Variants in SRD5A2 observed in about 807,000 individuals in gnomAD.
The protein encoded by SRD5A2 is 3-oxo-5-alpha-steroid 4-dehydrogenase 2.
A neutral mutation model predicts 27.4 loss-of-function variants in SRD5A2; 30 were observed. The ratio of observed to expected loss-of-function variants is 1.10; its 90% CI spans 0.82 to 1.49. The LOEUF (loss-of-function observed/expected upper bound fraction) is 1.49. Among genes scored for constraint, SRD5A2 ranks in the 40% most tolerant of loss-of-function variants. The pLI is 0.00. For missense variants in SRD5A2, 348 were observed against 323.4 expected, an observed-to-expected ratio of 1.08 and a Z score of -0.58; for synonymous variants, 141 against 133.6, an observed-to-expected ratio of 1.06 and a Z score of -0.38.
the SRD5A2 span, among the ~76,000 whole-genome samples, chr2:31,635,337 T>C: frequency 2.1e-4 from 32 of 152,190 alleles, no homozygotes; most frequent in Admixed American, 2.1e-3. Flanking sequence ...GTTGGCCATT[T>C]GTATATCTTC....
At chr2:31,554,652 G>C (rs1282269353) in intron 1 of SRD5A2, among the ~76,000 whole-genome samples, 1 of 152,200 alleles carries the variant, frequency 6.6e-6, no homozygotes, top group African/African-American at 2.4e-5. Flanking sequence ...TCCCTTCTAA[G>C]GTGGCGGATA....
intron 1 of SRD5A2, among the ~76,000 whole-genome samples, chr2:31,570,105 T>C (rs1454750649): frequency 6.6e-6 from 1 of 152,040 alleles, no homozygotes; most frequent in African/African-American, 2.4e-5. Context: ...ATATCCCTGA[T>C]GAACATCAGG....
At chr2:31,558,847 G>A (rs943280272) in intron 1 of SRD5A2, among the ~76,000 whole-genome samples, 1 of 152,198 alleles carries the variant, frequency 6.6e-6, no homozygotes, top group Non-Finnish European at 1.5e-5. Context: ...CTAGGTTTGT[G>A]TGAGTACACT....
the SRD5A2 span, among the ~76,000 whole-genome samples, chr2:31,654,175 A>G: frequency 1.3e-5 from 2 of 152,192 alleles, no homozygotes; most frequent in East Asian, 3.8e-4. Context: ...GAAATGGAAA[A>G]GTTATACCTG....
chr2:31,575,944 G>C (rs1220789161), intron 1 of SRD5A2, among the ~76,000 whole-genome samples: 1 of 152,212 alleles, frequency 6.6e-6, no homozygotes, highest in African/African-American at 2.4e-5. Context: ...CAATCAGAGA[G>C]TTTAGACAAG....
intron 1 of SRD5A2, among the ~76,000 whole-genome samples, chr2:31,536,833 G>C (rs990926072): frequency 6.6e-6 from 1 of 152,192 alleles, no homozygotes; most frequent in Non-Finnish European, 1.5e-5. Flanking sequence ...TATGGTCTGA[G>C]ACTCAGTTTC....
At chr2:31,551,968 A>C (rs764780154) in intron 1 of SRD5A2, among the ~76,000 whole-genome samples, 1 of 152,024 alleles carries the variant, frequency 6.6e-6, no homozygotes, top group Non-Finnish European at 1.5e-5. Context: ...GTCAGGAGAC[A>C]ATCCTCAGGA....
intron 1 of SRD5A2, among the ~76,000 whole-genome samples, chr2:31,574,968 T>G (rs1238026542): frequency 1.3e-5 from 2 of 152,228 alleles, no homozygotes; most frequent in Non-Finnish European, 2.9e-5. Context: ...GTTGCTGCAA[T>G]AGAGATCATG....
upstream of SRD5A2, among the ~76,000 whole-genome samples, chr2:31,582,363 G>A (rs28382989): frequency 0.01 from 1,556 of 152,282 alleles, 21 homozygotes; most frequent in South Asian, 0.043. Flanking sequence ...ATATGGTGAT[G>A]CTTTAGCACT....
the SRD5A2 span, among the ~76,000 whole-genome samples, chr2:31,640,379 G>A: frequency 6.6e-6 from 1 of 151,760 alleles, no homozygotes. Flanking sequence ...GGGAGTTTGT[G>A]GTTCCTTGTT....
intron 1 of SRD5A2, among the ~76,000 whole-genome samples, chr2:31,557,756 A>G (rs1161731238): frequency 6.6e-6 from 1 of 152,186 alleles, no homozygotes; most frequent in East Asian, 1.9e-4. Flanking sequence ...TGATTTTGCA[A>G]TTGCCCTAGA....
Position 31,551,165 on chromosome 2 carries a change from T to C in SRD5A2, c.282-17399A>G, listed in dbSNP as rs146172720. On this transcript the variant is annotated intron_variant, in intron 1 of 4. Transcript: ENST00000622030. The stretch of plus-strand genomic sequence containing the variant: ...TCTAACCAAACATGTACAAGGGTTC[T>C]ATAGTGAAAACTCCAAAGAATTAAT... 2.7e-3 allele frequency among the ~76,000 whole-genome samples: 404 copies of C among 152,230 alleles called. 4 individuals carry two copies. Among genetic ancestry groups the C allele is most frequent in the African/African-American group, 9.4e-3 (389 of 41,584 alleles).
the SRD5A2 span, among the ~76,000 whole-genome samples, chr2:31,622,701 G>A: frequency 3.3e-5 from 5 of 152,076 alleles, no homozygotes; most frequent in African/African-American, 9.7e-5. Flanking sequence ...TAGTAGATCA[G>A]ACCAGCAGTA....
chr2:31,621,502 C>G, the SRD5A2 span, among the ~76,000 whole-genome samples: 3 of 151,886 alleles, frequency 2.0e-5, no homozygotes, highest in Admixed American at 2.0e-4. Context: ...ATTAATTCAC[C>G]CTTTGAAAGG....
intron 1 of SRD5A2, among the ~76,000 whole-genome samples, chr2:31,548,043 T>C (rs894661793): frequency 4.6e-5 from 7 of 152,066 alleles, no homozygotes; most frequent in Non-Finnish European, 1.0e-4. Flanking sequence ...GATATCCATA[T>C]GCAAAATAAA....
At chr2:31,586,360 G>C in the SRD5A2 span, among the ~76,000 whole-genome samples, 1 of 152,232 alleles carries the variant, frequency 6.6e-6, no homozygotes, top group African/African-American at 2.4e-5. Context: ...CACAGACCTG[G>C]ATGGCTTTTC....
At chr2:31,557,129 T>C (rs1430340127) in intron 1 of SRD5A2, among the ~76,000 whole-genome samples, 2 of 152,182 alleles carry the variant, frequency 1.3e-5, no homozygotes, top group Non-Finnish European at 2.9e-5. Context: ...AGCATTTTCC[T>C]CTATTGCAGT....
At chr2:31,552,100 A>G (rs993843233) in intron 1 of SRD5A2, among the ~76,000 whole-genome samples, 3 of 151,612 alleles carry the variant, frequency 2.0e-5, no homozygotes, top group Non-Finnish European at 1.5e-5. Flanking sequence ...TGATATCAGC[A>G]AGATGGTAGA....
rs1490631232 is a variant in SRD5A2 at position 31,578,131 on chromosome 2, A to C, written c.281+2489T>G. Among the ~76,000 whole-genome samples, 3 of 152,200 alleles carry C rather than the reference A, an allele frequency of 2.0e-5. No individual in the cohort carries two copies. The East Asian group carries it at 5.8e-4, about 29-fold the overall frequency. The stretch of plus-strand genomic sequence containing the variant: ...AAAATCTACTAAGGAAAAAGATTTG[A>C]TAGAAATTCTCTAAAACATTAATAT... On this transcript the variant is annotated intron_variant, in intron 1 of 4. Transcript: ENST00000622030.
Sources: gnomAD v4.1 joint callset for allele counts (sites outside exome capture counted in the v4.1 genomes callset) on GRCh38, gnomAD v4.1.1 for gene constraint, MANE v1.5 for transcripts, NCBI Gene and HGNC (gene_info 2026-07-23, HGNC 2026-07-21) for gene names.